The following LARGE1 variants were observed in gnomAD, a reference collection of about 807,000 sequenced individuals.
The protein encoded by LARGE1 is LARGE xylosyl- and glucuronyltransferase 1.
LARGE1 carries 43 observed loss-of-function variants against 87.6 expected under a neutral mutation model. That is an observed-to-expected ratio of 0.49 (90% CI 0.38 to 0.63). LARGE1 has a LOEUF of 0.63. LARGE1 is among the 30% of genes least tolerant of loss of function. The pLI is 0.00. For synonymous variants in LARGE1, 434 were observed against 394.6 expected (o/e 1.10, Z -1.18); for missense variants, 802 against 1,000.2 (o/e 0.80, Z 2.67).
chr22:33,135,120 T>C, the LARGE1 span, among the ~76,000 whole-genome samples: 2 of 152,200 alleles, frequency 1.3e-5, no homozygotes, highest in African/African-American at 4.8e-5. Flanking sequence ...ATGGGTGTAG[T>C]AGAAGGATTC....
At chr22:33,206,437 T>A (rs1789208140) in intron 11 of LARGE1, among the ~76,000 whole-genome samples, 1 of 152,174 alleles carries the variant, frequency 6.6e-6, no homozygotes, top group South Asian at 2.1e-4. Context: ...AAGTTTTCCC[T>A]TCCCTCCTGC....
chr22:33,674,140 C>T (rs1426439127), intron 2 of LARGE1, among the ~76,000 whole-genome samples: 2 of 151,208 alleles, frequency 1.3e-5, no homozygotes, highest in African/African-American at 2.4e-5. Flanking sequence ...AGACGGGTTT[C>T]GCCATGTTGG....
chr22:33,756,730 T>C (rs1231047209), intron 2 of LARGE1, among the ~76,000 whole-genome samples: 1 of 152,140 alleles, frequency 6.6e-6, no homozygotes, highest in African/African-American at 2.4e-5. Context: ...AGCGGTGCTC[T>C]GATTCAGCCC....
At chr22:33,482,720 AC>A (rs953932433) in intron 6 of LARGE1, among the ~76,000 whole-genome samples, 19 of 151,116 alleles carry the variant, frequency 1.3e-4, no homozygotes, top group South Asian at 2.1e-4. Flanking sequence ...ATAAAAAAAA[AC>A]ACCAAACAAT....
intron 6 of LARGE1, among the ~76,000 whole-genome samples, chr22:33,479,279 T>G (rs564646424): frequency 6.6e-5 from 10 of 152,298 alleles, no homozygotes; most frequent in African/African-American, 1.9e-4. Flanking sequence ...AACATGGTCT[T>G]GTTTATTGGT....
chr22:33,687,984 T>C (rs2081992453), intron 2 of LARGE1, among the ~76,000 whole-genome samples: 1 of 152,202 alleles, frequency 6.6e-6, no homozygotes, highest in African/African-American at 2.4e-5. Context: ...ATGGAAGGTA[T>C]TCCTGCCCTC....
chr22:33,428,694 G>A (rs1251019690), intron 7 of LARGE1, among the ~76,000 whole-genome samples: 1 of 146,682 alleles, frequency 6.8e-6, no homozygotes, highest in Non-Finnish European at 1.5e-5. Context: ...AGGCTGAGGC[G>A]GGTGGATCAT....
chr22:33,608,291 T>C (rs1181006859), intron 4 of LARGE1, among the ~76,000 whole-genome samples: 2 of 152,236 alleles, frequency 1.3e-5, no homozygotes, highest in East Asian at 3.8e-4. Context: ...TAATGCATCA[T>C]ACTTTCCATA....
the LARGE1 span, among the ~76,000 whole-genome samples, chr22:33,116,584 C>T: frequency 9.2e-5 from 14 of 151,552 alleles, no homozygotes; most frequent in East Asian, 2.5e-3. Context: ...AGGATGGTCT[C>T]GATCTCCTGA....
chr22:33,114,171 C>A, the LARGE1 span, among the ~76,000 whole-genome samples: 1 of 152,000 alleles, frequency 6.6e-6, no homozygotes. Flanking sequence ...CCACCGCGCC[C>A]GGCCGAAAAC....
chr22:33,606,359 T>C (rs562573247), intron 4 of LARGE1, among the ~76,000 whole-genome samples: 79 of 151,686 alleles, frequency 5.2e-4, no homozygotes, highest in Non-Finnish European at 8.4e-4. Context: ...GAGCCGAGAT[T>C]GCACGACTGC....
At chr22:33,783,459 G>A (rs1443288526) in intron 1 of LARGE1, among the ~76,000 whole-genome samples, 2 of 152,128 alleles carry the variant, frequency 1.3e-5, no homozygotes, top group African/African-American at 2.4e-5. Context: ...CAGCTACTTG[G>A]GAGGCTGTGG....
the LARGE1 span, among the ~76,000 whole-genome samples, chr22:33,074,133 A>C: frequency 6.6e-6 from 1 of 152,110 alleles, no homozygotes; most frequent in Non-Finnish European, 1.5e-5. Flanking sequence ...CAGCACTTGT[A>C]AATGTCAGGA....
rs189309995 is a variant in LARGE1, at chr22:33,782,976, G to A, written c.-82-21418C>T. Among the ~76,000 whole-genome samples, 4 of 151,936 alleles carry A rather than the reference G, an allele frequency of 2.6e-5. No homozygotes were observed. The East Asian group carries it at 5.8e-4, about 22-fold the overall frequency. On this transcript the variant is annotated intron_variant, in intron 1 of 14. Transcript: ENST00000397394. ...CTGAGAAATTTCCAGACCGTAGCGTGTCAGGCCATACACTACAGTGCTTCG... is the reference window on the plus strand; with the variant it reads ...CTGAGAAATTTCCAGACCGTAGCGTATCAGGCCATACACTACAGTGCTTCG...
chr22:33,661,966 A>C (rs2081136038), intron 2 of LARGE1, among the ~76,000 whole-genome samples: 1 of 151,946 alleles, frequency 6.6e-6, no homozygotes, highest in African/African-American at 2.4e-5. Context: ...AACATGACTA[A>C]AAATCTAGAG....
At chr22:33,508,916 G>A (rs2070903080) in intron 6 of LARGE1, among the ~76,000 whole-genome samples, 1 of 152,202 alleles carries the variant, frequency 6.6e-6, no homozygotes, top group African/African-American at 2.4e-5. Flanking sequence ...CCTCTCTAGA[G>A]TCATTAGTGC....
chr22:33,686,229 T>C (rs926014071), intron 2 of LARGE1, among the ~76,000 whole-genome samples: 1 of 152,048 alleles, frequency 6.6e-6, no homozygotes, highest in Non-Finnish European at 1.5e-5. Flanking sequence ...TCAATGTCCC[T>C]CCCTGTGAAC....
chr22:33,650,372 A>T lies in LARGE1; in HGVS notation c.403T>A (p.Cys135Ser), dbSNP rs1405035647. 1 of 1,613,900 alleles carries T rather than the reference A, an allele frequency of 6.2e-7. No individual in the cohort carries two copies. Among genetic ancestry groups the T allele is most frequent in the Non-Finnish European group, 8.5e-7 (1 of 1,180,028 alleles). The change falls in exon 3 of 15, where the codon TGC becomes AGC. Residue 135 changes from cysteine to serine, a missense_variant. Transcript: ENST00000397394. ...ECGQQPVVEK[C>S]ETIHVAIVCA... ...AGGCTCCAGATGCCCTTTACCTCGC[A>T]TTTCTCCACGACCGGCTGCTGCCCA...
At chr22:33,675,834 T>C (rs1049731905) in intron 2 of LARGE1, among the ~76,000 whole-genome samples, 1 of 149,986 alleles carries the variant, frequency 6.7e-6, no homozygotes, top group Non-Finnish European at 1.5e-5. Flanking sequence ...CACTCCAATT[T>C]AGAGGACAGC....
Sources: gnomAD v4.1 joint callset for allele counts (sites outside exome capture counted in the v4.1 genomes callset) on GRCh38, gnomAD v4.1.1 for gene constraint, MANE v1.5 for transcripts, NCBI Gene and HGNC (gene_info 2026-07-23, HGNC 2026-07-21) for gene names.